The following C11orf65 variants were observed in gnomAD, a reference collection of about 807,000 sequenced individuals.
C11orf65 encodes chromosome 11 open reading frame 65.
Under a neutral mutation model 35.3 loss-of-function variants are expected in C11orf65, and 38 were observed. The observed-to-expected ratio is 1.08, with a 90% CI of 0.83 to 1.41. The LOEUF (loss-of-function observed/expected upper bound fraction) is 1.41. Ranked by LOEUF, C11orf65 falls within the 40% of genes most tolerant of loss-of-function variation. The pLI, the probability that C11orf65 is intolerant of heterozygous loss-of-function variation, is 0.00. For synonymous variants in C11orf65, 105 were observed against 114.4 expected (o/e 0.92, Z 0.53); for missense variants, 370 against 367.1 (o/e 1.01, Z -0.06).
At position 108,325,851 on chromosome 11, in the gene C11orf65, C is replaced by A. The variant is rs551224464; in HGVS notation, c.641-16780G>T. 2.0e-5 allele frequency among the ~76,000 whole-genome samples: 3 copies of A among 152,184 alleles called. No individual in the cohort carries two copies. In the East Asian group the frequency reaches 5.8e-4, roughly 29 times the overall value. On this transcript the variant is annotated intron_variant, in intron 6 of 6. Transcript: ENST00000525729. ...GTGTATGTACACACAGATACACATA[C>A]ATACATATAGAGAGAGACAGACAGA...
At chr11:108,372,462 G>A (rs1384684143) in intron 2 of C11orf65, among the ~76,000 whole-genome samples, 1 of 152,156 alleles carries the variant, frequency 6.6e-6, no homozygotes, top group South Asian at 2.1e-4. Flanking sequence ...CAAAGTGCTG[G>A]GATTACAGGC....
chr11:108,317,674 C>CACACTA (rs1348508969), intron 6 of C11orf65, among the ~76,000 whole-genome samples: 2 of 129,304 alleles, frequency 1.5e-5, no homozygotes, highest in African/African-American at 3.0e-5. Flanking sequence ...CACACACACA[C>CACACTA]TATATATATA....
At chr11:108,380,808 C>A (rs879451271), downstream of C11orf65, among the ~76,000 whole-genome samples, 25 of 152,292 alleles carry the variant, frequency 1.6e-4, no homozygotes, top group Admixed American at 6.5e-4. Flanking sequence ...TCATTCTTAA[C>A]AGGGATTACT....
chr11:108,380,109 ATACCTATGG>A (rs1388683839), downstream of C11orf65, among the ~76,000 whole-genome samples: 3 of 152,296 alleles, frequency 2.0e-5, no homozygotes, highest in East Asian at 5.8e-4. Context: ...TGACTATGGT[ATACCTATGG>A]TACATCACTC....
rs946942912 is a variant in C11orf65 at position 108,317,451 on chromosome 11, C to T, written c.641-8380G>A. On this transcript the variant is annotated intron_variant, in intron 6 of 6. Coordinates refer to the C11orf65 transcript ENST00000525729. Reference sequence around the variant, plus strand: ...GGATTATGAAAATAAAGACTGGTGTCCTGAACTAGAAGAACTTCATTACCA... The same window carrying T: ...GGATTATGAAAATAAAGACTGGTGTTCTGAACTAGAAGAACTTCATTACCA... 2.5e-6 allele frequency: 4 copies of T among 1,612,008 alleles called. 1 individual carries two copies. Among genetic ancestry groups the T allele is most frequent in the Non-Finnish European group, 1.7e-6 (2 of 1,179,398 alleles).
intron 3 of C11orf65, among the ~76,000 whole-genome samples, chr11:108,428,381 G>A (rs1377103569): frequency 1.3e-5 from 2 of 152,120 alleles, no homozygotes; most frequent in Non-Finnish European, 2.9e-5. Context: ...TTGGAGCAGT[G>A]TTCACAATAG....
At chr11:108,337,873 A>T (rs1476733748) in intron 2 of C11orf65, among the ~76,000 whole-genome samples, 1 of 152,262 alleles carries the variant, frequency 6.6e-6, no homozygotes, top group Non-Finnish European at 1.5e-5. Flanking sequence ...CTCAGAAAGT[A>T]GCTAAGATTT....
At chr11:108,354,643 A>G (rs952893200) in intron 2 of C11orf65, among the ~76,000 whole-genome samples, 2 of 152,250 alleles carry the variant, frequency 1.3e-5, no homozygotes, top group South Asian at 2.1e-4. Flanking sequence ...ATTCATTTCA[A>G]ACGTCTAATG....
intron 6 of C11orf65, among the ~76,000 whole-genome samples, chr11:108,325,885 T>C (rs1229003488): frequency 6.6e-6 from 1 of 152,122 alleles, no homozygotes; most frequent in African/African-American, 2.4e-5. Flanking sequence ...GACAGACAGA[T>C]AGGCAGACGT....
chr11:108,454,850 A>G (rs1025022721), intron 2 of C11orf65, among the ~76,000 whole-genome samples: 4 of 151,870 alleles, frequency 2.6e-5, no homozygotes, highest in Non-Finnish European at 4.4e-5. Context: ...GATCTTTTCT[A>G]TTGTTTTTCT....
chr11:108,383,872 T>A lies in C11orf65; in HGVS notation c.788-697A>T, dbSNP rs1344245217. ...AACTCAGTAACTTATATTGTTTCCT[T>A]TTTTTTTTTTTTTTTTGAGACAGGG... On this transcript the variant is annotated intron_variant, in intron 8 of 8. Transcript: ENST00000393084. Among the ~76,000 whole-genome samples the A allele has an allele frequency of 0.048, 9 of 188 alleles. No homozygotes were observed. In the South Asian group the frequency reaches 0.5, roughly 10 times the overall value. 0.1% of individuals were successfully genotyped at this position (188 alleles called of 152,430 possible).
intron 7 of C11orf65, among the ~76,000 whole-genome samples, chr11:108,390,703 C>T (rs564945630): frequency 6.6e-6 from 1 of 152,262 alleles, no homozygotes; most frequent in East Asian, 1.9e-4. Flanking sequence ...AAAGTAAAAG[C>T]AAGGCATTGC....
intron 2 of C11orf65, among the ~76,000 whole-genome samples, chr11:108,448,802 G>A (rs1335065602): frequency 6.6e-6 from 1 of 152,094 alleles, no homozygotes; most frequent in African/African-American, 2.4e-5. Flanking sequence ...GGCAGGAGAA[G>A]GAAATAAAGG....
At chr11:108,371,246 C>CA (rs1225126013) in intron 2 of C11orf65, among the ~76,000 whole-genome samples, 11 of 152,138 alleles carry the variant, frequency 7.2e-5, no homozygotes, top group Middle Eastern at 3.2e-3. Context: ...CCCACACACA[C>CA]ACAACAAAAT....
chr11:108,410,329 C>T (rs1422393228), intron 3 of C11orf65, among the ~76,000 whole-genome samples: 1 of 152,118 alleles, frequency 6.6e-6, no homozygotes, highest in Non-Finnish European at 1.5e-5. Context: ...TGCTTATTGG[C>T]CATATGGATC....
At chr11:108,327,628 T>C, downstream of C11orf65, 1 of 1,592,066 alleles carries the variant, frequency 6.3e-7, no homozygotes, top group Non-Finnish European at 8.6e-7. Flanking sequence ...TTTTAAGATT[T>C]TGCCTTTCTT....
downstream of C11orf65, among the ~76,000 whole-genome samples, chr11:108,378,233 C>T (rs1458951751): frequency 6.6e-6 from 1 of 150,990 alleles, no homozygotes; most frequent in Non-Finnish European, 1.5e-5. Flanking sequence ...TCAAACTATA[C>T]TACAAGGCTA....
intron 3 of C11orf65, among the ~76,000 whole-genome samples, chr11:108,422,015 T>G (rs1402596202): frequency 1.3e-5 from 2 of 152,166 alleles, no homozygotes; most frequent in African/African-American, 2.4e-5. Context: ...TGCTGCAACC[T>G]CTGCCTCCCT....
intron 6 of C11orf65, among the ~76,000 whole-genome samples, chr11:108,322,241 A>G (rs1591112795): frequency 6.6e-6 from 1 of 151,484 alleles, no homozygotes; most frequent in Admixed American, 6.6e-5. Flanking sequence ...TGCAGTCTCC[A>G]CCTCCCAGGT....
Sources: allele counts gnomAD v4.1 joint callset (sites outside exome capture counted in the v4.1 genomes callset), GRCh38; gene constraint gnomAD v4.1.1; transcripts MANE v1.5; gene names NCBI Gene and HGNC (gene_info 2026-07-23, HGNC 2026-07-21).